CUX2: variants seen among roughly 807,000 people sequenced by gnomAD.
CUX2 encodes homeobox protein cut-like 2.
Under a neutral mutation model 144.8 loss-of-function variants are expected in CUX2, and 40 were observed. The observed-to-expected ratio is 0.28, with a 90% CI of 0.21 to 0.36. CUX2 has a LOEUF of 0.36. CUX2 is among the 10% of genes least tolerant of loss of function. The pLI is 1.00. For missense variants in CUX2, 1,615 were observed against 1,994.0 expected (o/e 0.81, Z 3.62); for synonymous variants, 827 against 875.6 (o/e 0.94, Z 0.98).
intron 1 of CUX2, among the ~76,000 whole-genome samples, chr12:111,198,252 G>A (rs981882074): frequency 3.3e-5 from 5 of 152,132 alleles, no homozygotes; most frequent in African/African-American, 9.7e-5. Flanking sequence ...GAGGTGGATA[G>A]ATCACTTGAG....
At chr12:111,140,965 G>T (rs578042064) in intron 1 of CUX2, among the ~76,000 whole-genome samples, 1 of 152,278 alleles carries the variant, frequency 6.6e-6, no homozygotes, top group African/African-American at 2.4e-5. Flanking sequence ...TCATTTTTTA[G>T]TGTCGTTCTG....
At chr12:111,192,751 G>C (rs982396886) in intron 1 of CUX2, among the ~76,000 whole-genome samples, 4 of 152,220 alleles carry the variant, frequency 2.6e-5, no homozygotes, top group Admixed American at 1.3e-4. Context: ...GGGTTTGCAA[G>C]ATCAAATTAC....
At chr12:111,250,017 C>G (rs1883488957) in intron 3 of CUX2, among the ~76,000 whole-genome samples, 1 of 152,074 alleles carries the variant, frequency 6.6e-6, no homozygotes, top group African/African-American at 2.4e-5. Flanking sequence ...TGTCATGTAC[C>G]CACCATCACA....
Position 111,310,705 on chromosome 12 carries a change from C to A in CUX2, c.1900+23C>A. The stretch of plus-strand genomic sequence containing the variant: ...GAGGTGAGTGCCCAAGAGGGCCCGT[C>A]CCCGCTGGCCACCACGCCAGGTCCA... On this transcript the variant is annotated intron_variant, in intron 15 of 21. Coordinates refer to ENST00000261726, the MANE Select transcript of CUX2 (RefSeq NM_015267.4). This position sits in a 1 kb window ranked among gnomAD's most constrained non-coding sequence, Gnocchi z 7.9. 2.6e-6 allele frequency: 4 copies of A among 1,559,190 alleles called. No individual in the cohort carries two copies. Among genetic ancestry groups the A allele is most frequent in the Non-Finnish European group, 3.5e-6 (4 of 1,147,732 alleles).
chr12:111,070,670 C>T (rs1871223449), intron 1 of CUX2, among the ~76,000 whole-genome samples: 1 of 152,070 alleles, frequency 6.6e-6, no homozygotes, highest in East Asian at 1.9e-4. Flanking sequence ...GTTCTATGGG[C>T]TTGGACAAGT....
At chr12:111,072,887 A>G (rs1239297410) in intron 1 of CUX2, among the ~76,000 whole-genome samples, 1 of 152,242 alleles carries the variant, frequency 6.6e-6, no homozygotes, top group East Asian at 1.9e-4. Flanking sequence ...GAATGAAGAA[A>G]CACATTTGCT....
intron 1 of CUX2, among the ~76,000 whole-genome samples, chr12:111,142,971 C>G (rs1047405535): frequency 2.0e-5 from 3 of 152,164 alleles, no homozygotes; most frequent in Admixed American, 2.0e-4. Flanking sequence ...CTCCGAGTGC[C>G]TAGAAGGTGT....
At chr12:111,092,704 T>G (rs1872616591) in intron 1 of CUX2, among the ~76,000 whole-genome samples, 1 of 150,876 alleles carries the variant, frequency 6.6e-6, no homozygotes, top group Admixed American at 6.6e-5. Context: ...AGCTGGCAAA[T>G]AGGAATGGCA....
Position 111,037,314 on chromosome 12 carries a change from A to G in CUX2, c.63+3074A>G, listed in dbSNP as rs894998937. Among the ~76,000 whole-genome samples, 4 of 152,226 alleles carry G rather than the reference A, an allele frequency of 2.6e-5. No homozygotes were observed. Among genetic ancestry groups the G allele is most frequent in the Admixed American group, 2.0e-4 (3 of 15,286 alleles). On this transcript the variant is annotated intron_variant, in intron 1 of 21. Coordinates refer to ENST00000261726, the MANE Select transcript of CUX2 (RefSeq NM_015267.4). This position sits in a 1 kb window ranked among gnomAD's most constrained non-coding sequence, Gnocchi z 5.4. ...CGGCCCCGTGTCCCCAGGCCATACC[A>G]CGTCGCTGACGCCATACCGATCCTG...
rs145772808 is a variant in CUX2, at chr12:111,156,258, G to T, written c.64-57942G>T. On this transcript the variant is annotated intron_variant, in intron 1 of 21. Transcript: ENST00000261726. Reference sequence around the variant, plus strand: ...TCCCTGCTTCCCAAGAAACCTGATGGAAGCACCAGGAATGTTCCCCTTTTG... The same window carrying T: ...TCCCTGCTTCCCAAGAAACCTGATGTAAGCACCAGGAATGTTCCCCTTTTG... 2.4e-3 allele frequency among the ~76,000 whole-genome samples: 359 copies of T among 152,186 alleles called. 2 individuals carry two copies. Among genetic ancestry groups the T allele is most frequent in the African/African-American group, 8.4e-3 (347 of 41,504 alleles).
chr12:111,067,819 G>T (rs1207129543), intron 1 of CUX2, among the ~76,000 whole-genome samples: 1 of 152,172 alleles, frequency 6.6e-6, no homozygotes, highest in Non-Finnish European at 1.5e-5. Context: ...ACAGGCCTGG[G>T]CAGAACTCCA....
intron 4 of CUX2, among the ~76,000 whole-genome samples, chr12:111,290,161 TG>T (rs1293499296): frequency 6.6e-6 from 1 of 152,070 alleles, no homozygotes; most frequent in Admixed American, 6.5e-5. Context: ...ATCAAGAAAA[TG>T]CAATGAAGCC....
intron 3 of CUX2, among the ~76,000 whole-genome samples, chr12:111,242,684 C>T (rs1032998061): frequency 2.0e-5 from 3 of 152,124 alleles, no homozygotes; most frequent in Non-Finnish European, 4.4e-5. Context: ...CGTGGTGGTG[C>T]ATGCCTGTAA....
chr12:111,324,176 C>G (rs1487561112), intron 18 of CUX2, among the ~76,000 whole-genome samples: 2 of 151,932 alleles, frequency 1.3e-5, no homozygotes, highest in Non-Finnish European at 2.9e-5. Flanking sequence ...TGGTGAAACC[C>G]CGTCTCTACT....
chr12:111,132,540 T>C (rs111629275), intron 1 of CUX2, among the ~76,000 whole-genome samples: 2 of 151,478 alleles, frequency 1.3e-5, no homozygotes, highest in East Asian at 1.9e-4. Context: ...ATTTTCTGAA[T>C]TTTTATGCTC....
At chr12:111,187,372 C>T (rs1049503485) in intron 1 of CUX2, among the ~76,000 whole-genome samples, 2 of 152,170 alleles carry the variant, frequency 1.3e-5, no homozygotes, top group African/African-American at 4.8e-5. Context: ...AGTCCCCGCT[C>T]GTTTAGGTCT....
intron 1 of CUX2, among the ~76,000 whole-genome samples, chr12:111,053,997 T>C (rs1870402410): frequency 6.6e-6 from 1 of 151,862 alleles, no homozygotes; most frequent in African/African-American, 2.4e-5. Context: ...CTACTAAAAA[T>C]ACAAAAATTA....
intron 1 of CUX2, among the ~76,000 whole-genome samples, chr12:111,163,261 C>T (rs1471803937): frequency 3.9e-5 from 6 of 152,266 alleles, no homozygotes; most frequent in Middle Eastern, 3.4e-3. Flanking sequence ...GTATTATTGA[C>T]GGCATTGCTG....
At chr12:111,316,069 C>A (rs1412186166) in intron 16 of CUX2, among the ~76,000 whole-genome samples, 1 of 151,866 alleles carries the variant, frequency 6.6e-6, no homozygotes, top group Non-Finnish European at 1.5e-5. Flanking sequence ...TTTGCATGCT[C>A]CTCTGTGCTC....
Sources: allele counts gnomAD v4.1 joint callset (sites outside exome capture counted in the v4.1 genomes callset), GRCh38; gene constraint gnomAD v4.1.1; non-coding constraint Gnocchi (gnomAD v3.1); transcripts MANE v1.5; gene names NCBI Gene and HGNC (gene_info 2026-07-23, HGNC 2026-07-21).